TENM3: variants seen among roughly 807,000 people sequenced by gnomAD.
The protein encoded by TENM3 is teneurin transmembrane protein 3.
In TENM3, 63 loss-of-function variants were observed where a neutral mutation model predicts 255.1. The observed-to-expected ratio is 0.25, with a 90% CI of 0.20 to 0.30. The LOEUF (loss-of-function observed/expected upper bound fraction) is 0.30. Ranked by LOEUF, TENM3 falls within the 10% of genes least tolerant of loss-of-function variation. The pLI, the probability that TENM3 is intolerant of heterozygous loss-of-function variation, is 1.00. For missense variants in TENM3, 2,929 were observed against 3,461.1 expected, an observed-to-expected ratio of 0.85 and a Z score of 3.86; for synonymous variants, 1,306 against 1,322.3, an observed-to-expected ratio of 0.99 and a Z score of 0.27.
At chr4:181,754,981 C>A in the TENM3 span, among the ~76,000 whole-genome samples, 1 of 152,128 alleles carries the variant, frequency 6.6e-6, no homozygotes. Flanking sequence ...GGAAAGTCAG[C>A]TCTCAAGGGC....
the TENM3 span, among the ~76,000 whole-genome samples, chr4:181,846,994 T>A: frequency 6.6e-6 from 1 of 152,248 alleles, no homozygotes; most frequent in Non-Finnish European, 1.5e-5. Flanking sequence ...GGAGCTGCTG[T>A]CCCATCCCCT....
the TENM3 span, among the ~76,000 whole-genome samples, chr4:181,781,101 G>A: frequency 6.6e-6 from 1 of 152,136 alleles, no homozygotes; most frequent in Admixed American, 6.5e-5. Context: ...ACTTGGCAAT[G>A]CGGGCTCTTT....
chr4:182,590,857 A>C (rs970471538), intron 3 of TENM3, among the ~76,000 whole-genome samples: 3 of 151,872 alleles, frequency 2.0e-5, no homozygotes, highest in African/African-American at 4.8e-5. Flanking sequence ...CAAAAGAAAA[A>C]AAAAAACAAA....
At chr4:181,594,640 G>T in the TENM3 span, among the ~76,000 whole-genome samples, 1 of 152,006 alleles carries the variant, frequency 6.6e-6, no homozygotes, top group African/African-American at 2.4e-5. Context: ...AGCCTCAACG[G>T]GTTCCATGGT....
chr4:181,470,495 A>G, the TENM3 span, among the ~76,000 whole-genome samples: 2 of 152,196 alleles, frequency 1.3e-5, no homozygotes, highest in Admixed American at 1.3e-4. Context: ...GCTTAGTGAT[A>G]TAGTAACAAA....
intron 3 of TENM3, among the ~76,000 whole-genome samples, chr4:182,548,349 G>A (rs1741658915): frequency 6.6e-6 from 1 of 152,098 alleles, no homozygotes; most frequent in Non-Finnish European, 1.5e-5. Flanking sequence ...GAGCTGCCTT[G>A]AGTTGCACAA....
chr4:181,499,557 A>G, the TENM3 span, among the ~76,000 whole-genome samples: 5 of 152,190 alleles, frequency 3.3e-5, no homozygotes, highest in Non-Finnish European at 7.3e-5. Context: ...GACTGTGAGC[A>G]ACCTATTACT....
chr4:181,619,789 A>G, the TENM3 span, among the ~76,000 whole-genome samples: 6 of 152,036 alleles, frequency 3.9e-5, no homozygotes, highest in Non-Finnish European at 8.8e-5. Flanking sequence ...TCCAAATACA[A>G]TTGATGGGCC....
the TENM3 span, among the ~76,000 whole-genome samples, chr4:181,907,271 G>A: frequency 6.6e-6 from 1 of 152,184 alleles, no homozygotes; most frequent in African/African-American, 2.4e-5. Flanking sequence ...GAGCCAGGAG[G>A]ACCGTGGCAA....
At chr4:181,540,001 T>C in the TENM3 span, among the ~76,000 whole-genome samples, 1 of 152,152 alleles carries the variant, frequency 6.6e-6, no homozygotes, top group African/African-American at 2.4e-5. Context: ...CCAAAGCTCC[T>C]GGGAGAAATG....
chr4:181,902,457 A>C, the TENM3 span, among the ~76,000 whole-genome samples: 9 of 152,320 alleles, frequency 5.9e-5, no homozygotes, highest in South Asian at 1.9e-3. Context: ...ATTCTACTAT[A>C]AAGACACATG....
intron 3 of TENM3, among the ~76,000 whole-genome samples, chr4:182,553,452 C>T (rs1254372802): frequency 6.6e-6 from 1 of 151,148 alleles, no homozygotes; most frequent in Non-Finnish European, 1.5e-5. Flanking sequence ...ATGGGTGCAG[C>T]ACACCAACAT....
At chr4:182,343,794 T>C (rs1764629904) in intron 2 of TENM3, among the ~76,000 whole-genome samples, 1 of 152,182 alleles carries the variant, frequency 6.6e-6, no homozygotes, top group African/African-American at 2.4e-5. Flanking sequence ...AATAGACTAA[T>C]TTATTCTAGT....
At chr4:182,638,032 A>G (rs1324240787) in intron 5 of TENM3, among the ~76,000 whole-genome samples, 1 of 114,776 alleles carries the variant, frequency 8.7e-6, no homozygotes, top group East Asian at 2.7e-4. Context: ...GTTAGGGGAA[A>G]AATTTTTTTT....
chr4:182,532,606 AC>A (rs1481010738), intron 3 of TENM3, among the ~76,000 whole-genome samples: 1 of 152,140 alleles, frequency 6.6e-6, no homozygotes, highest in African/African-American at 2.4e-5. Context: ...TTTGATTACC[AC>A]ATTAACTCTT....
At chr4:182,281,189 C>T (rs753758079) in intron 1 of TENM3, among the ~76,000 whole-genome samples, 1 of 152,104 alleles carries the variant, frequency 6.6e-6, no homozygotes, top group Non-Finnish European at 1.5e-5. Flanking sequence ...TATGGTCATC[C>T]TATCTTTAAT....
intron 12 of TENM3, among the ~76,000 whole-genome samples, chr4:182,711,921 C>T (rs78524079): frequency 0.1 from 15,864 of 151,780 alleles, 1,126 homozygotes; most frequent in South Asian, 0.16. Flanking sequence ...AAGATCTTCA[C>T]TGTTGGCAAT....
chr4:181,519,444 T>C, the TENM3 span, among the ~76,000 whole-genome samples: 3 of 152,238 alleles, frequency 2.0e-5, no homozygotes. Flanking sequence ...TTTTATTCTC[T>C]TTTGTGTATC....
At chr4:181,605,952 C>T in the TENM3 span, among the ~76,000 whole-genome samples, 2 of 152,170 alleles carry the variant, frequency 1.3e-5, no homozygotes, top group Admixed American at 6.5e-5. Context: ...TTTGGACCGT[C>T]CACATCATCC....
Sources: gnomAD v4.1 joint callset for allele counts (sites outside exome capture counted in the v4.1 genomes callset) on GRCh38, gnomAD v4.1.1 for gene constraint, MANE v1.5 for transcripts, NCBI Gene and HGNC (gene_info 2026-07-23, HGNC 2026-07-21) for gene names.